Variants in VPS8 observed in about 807,000 individuals in gnomAD.
VPS8 encodes the protein vacuolar protein sorting-associated protein 8 homolog.
Under a neutral mutation model 216.4 loss-of-function variants are expected in VPS8, and 129 were observed. The ratio of observed to expected loss-of-function variants is 0.60; its 90% CI spans 0.52 to 0.69. VPS8 has a LOEUF of 0.69. Ranked by LOEUF, VPS8 falls within the 30% of genes least tolerant of loss-of-function variation. The pLI is 0.00. For synonymous variants in VPS8, 571 were observed against 565.4 expected, an observed-to-expected ratio of 1.01 and a Z score of -0.14; for missense variants, 1,531 against 1,683.5, an observed-to-expected ratio of 0.91 and a Z score of 1.59.
intron 29 of VPS8, 63 bp from the exon 30 acceptor site, chr3:184,924,799 A>ATTTTT (rs11391596): frequency 2.4e-6 from 3 of 1,263,798 alleles, no homozygotes; most frequent in South Asian, 1.6e-5. Flanking sequence ...TTCTAATTGT[A>ATTTTT]TTTTTTTTTT....
chr3:184,907,255 A>G (rs1735665025), intron 25 of VPS8, among the ~76,000 whole-genome samples: 1 of 152,188 alleles, frequency 6.6e-6, no homozygotes, highest in Non-Finnish European at 1.5e-5. Flanking sequence ...CTGAATACAC[A>G]ATTTAGTCTG....
intron 22 of VPS8, among the ~76,000 whole-genome samples, chr3:184,894,027 G>A (rs532694560): frequency 6.6e-6 from 1 of 152,106 alleles, no homozygotes; most frequent in African/African-American, 2.4e-5. Flanking sequence ...AAACATTGTC[G>A]AGGTTGTTGA....
chr3:185,046,319 T>C (rs1195612118), intron 46 of VPS8, among the ~76,000 whole-genome samples: 1 of 152,244 alleles, frequency 6.6e-6, no homozygotes, highest in East Asian at 1.9e-4. Flanking sequence ...CATGTATCTT[T>C]GTGACATTGC....
chr3:184,918,716 T>A (rs903249863), intron 28 of VPS8, among the ~76,000 whole-genome samples: 1 of 152,218 alleles, frequency 6.6e-6, no homozygotes, highest in Non-Finnish European at 1.5e-5. Context: ...CTCCATGGTT[T>A]TGTATTTTAG....
chr3:184,917,716 C>G (rs1435296765), intron 28 of VPS8, among the ~76,000 whole-genome samples: 1 of 152,206 alleles, frequency 6.6e-6, no homozygotes, highest in African/African-American at 2.4e-5. Context: ...AAAATTTGGA[C>G]TTTATACTAC....
intron 2 of VPS8, among the ~76,000 whole-genome samples, chr3:184,825,824 C>G (rs1353949192): frequency 6.6e-6 from 1 of 151,932 alleles, no homozygotes; most frequent in South Asian, 2.1e-4. Context: ...TTGCTTGAAC[C>G]CGGGAGGTGG....
chr3:185,012,032 T>G (rs944283876), intron 45 of VPS8, among the ~76,000 whole-genome samples: 1 of 152,078 alleles, frequency 6.6e-6, no homozygotes, highest in African/African-American at 2.4e-5. Context: ...AAAATTTTAT[T>G]AGATGTCAAC....
At chr3:184,935,705 G>T (rs1391759898) in intron 34 of VPS8, among the ~76,000 whole-genome samples, 1 of 152,126 alleles carries the variant, frequency 6.6e-6, no homozygotes, top group Non-Finnish European at 1.5e-5. Flanking sequence ...TCTTATATTT[G>T]ACAAATACAT....
chr3:185,021,459 A>G (rs1197885831), intron 45 of VPS8, among the ~76,000 whole-genome samples: 2 of 152,212 alleles, frequency 1.3e-5, no homozygotes, highest in Non-Finnish European at 2.9e-5. Flanking sequence ...AAAAGTCTGC[A>G]GATTCTTTCA....
chr3:185,016,655 A>C (rs779415371), intron 45 of VPS8, among the ~76,000 whole-genome samples: 1 of 152,226 alleles, frequency 6.6e-6, no homozygotes, highest in Non-Finnish European at 1.5e-5. Flanking sequence ...GGGAGAAGGC[A>C]ATCCTGGCTG....
chr3:184,901,226 C>T, intron 25 of VPS8: 1 of 407,444 alleles, frequency 2.5e-6, no homozygotes, highest in Non-Finnish European at 4.4e-6. Context: ...TGTCACTATA[C>T]TTCATGTAAA....
chr3:184,944,531 T>TA, intron 36 of VPS8: 1 of 985,426 alleles, frequency 1.0e-6, no homozygotes, highest in South Asian at 4.7e-5. Flanking sequence ...TAAAGGATAA[T>TA]ACAAAAGGAC....
chr3:184,999,974 T>C (rs1485610110), intron 45 of VPS8, 113 bp downstream of exon 45: 1 of 1,188,982 alleles, frequency 8.4e-7, no homozygotes, highest in Non-Finnish European at 1.2e-6. Context: ...CTGGTGGGTA[T>C]TGGGTACATG....
chr3:184,950,613 A>G (rs1351694879), intron 36 of VPS8, among the ~76,000 whole-genome samples: 1 of 152,104 alleles, frequency 6.6e-6, no homozygotes, highest in Non-Finnish European at 1.5e-5. Flanking sequence ...TTTTACTTTA[A>G]GTTCTGGGTT....
intron 21 of VPS8, among the ~76,000 whole-genome samples, chr3:184,876,141 C>G (rs964395829): frequency 6.6e-6 from 1 of 152,100 alleles, no homozygotes; most frequent in African/African-American, 2.4e-5. Flanking sequence ...ATAGTCTGTC[C>G]ATTTTTGGCT....
Position 184,994,173 on chromosome 3 carries a change from T to A in VPS8, c.3666+110T>A, listed in dbSNP as rs192694853. Reference sequence around the variant, plus strand: ...AAATTACCATCTATTTACTGGCAGTTAGGTAGACTGAGGTGTATGTGTGTG... The same window carrying A: ...AAATTACCATCTATTTACTGGCAGTAAGGTAGACTGAGGTGTATGTGTGTG... On this transcript the variant is annotated intron_variant, in intron 43 of 47. Coordinates refer to ENST00000625842, the MANE Select transcript of VPS8 (RefSeq NM_001009921.3). 3.2e-4 allele frequency: 233 copies of A among 734,028 alleles called. No individual in the cohort carries two copies. In the African/African-American group the frequency reaches 4.1e-3, roughly 13 times the overall value. 45.5% of individuals were successfully genotyped at this position (734,028 alleles called of 1,614,324 possible).
rs2108439064 is a variant in VPS8 at position 184,812,209 on chromosome 3, A to G, written c.-105A>G. 6.6e-6 allele frequency: 1 copy of G among 152,576 alleles called. No individual in the cohort carries two copies. The highest frequency in any genetic ancestry group is 2.4e-5 in the African/African-American group (1 of 41,570). The allele number at this position is 152,576 out of a possible 1,614,324, so 9.5% of individuals were successfully genotyped here. On this transcript the variant is annotated 5_prime_UTR_variant, in exon 1 of 48. Transcript: ENST00000625842. ...ACGTGGGCCGGCGGTCCACGGCCGG[A>G]ATGGCAGCAAGCTCAGGTAACGAGT... is the stretch of plus-strand genomic sequence containing the variant.
At chr3:184,865,631 A>G (rs933780259) in intron 16 of VPS8, among the ~76,000 whole-genome samples, 27 of 152,348 alleles carry the variant, frequency 1.8e-4, no homozygotes, top group African/African-American at 6.5e-4. Flanking sequence ...AGCCTCATAC[A>G]TTGATGGTGG....
At chr3:184,891,502 G>A (rs952220565) in intron 22 of VPS8, among the ~76,000 whole-genome samples, 2 of 152,032 alleles carry the variant, frequency 1.3e-5, no homozygotes, top group Non-Finnish European at 2.9e-5. Flanking sequence ...GAAAAAAGGC[G>A]TTTTTAATTT....
Sources: allele counts gnomAD v4.1 joint callset (sites outside exome capture counted in the v4.1 genomes callset), GRCh38; gene constraint gnomAD v4.1.1; transcripts MANE v1.5; gene names NCBI Gene and HGNC (gene_info 2026-07-23, HGNC 2026-07-21).